The following CTNND2 variants were observed in gnomAD, a reference collection of about 807,000 sequenced individuals.
The protein encoded by CTNND2 is catenin delta 2.
CTNND2 carries 22 observed loss-of-function variants against 144.4 expected under a neutral mutation model. The observed-to-expected ratio is 0.15, with a 90% CI of 0.11 to 0.22. The LOEUF (loss-of-function observed/expected upper bound fraction) is 0.22, where lower values mean the gene tolerates loss of function less well. CTNND2 is among the 10% of genes least tolerant of loss of function. The pLI is 1.00. For synonymous variants in CTNND2, 751 were observed against 695.6 expected, an observed-to-expected ratio of 1.08 and a Z score of -1.25; for missense variants, 1,353 against 1,618.8, an observed-to-expected ratio of 0.84 and a Z score of 2.82.
intron 7 of CTNND2, among the ~76,000 whole-genome samples, chr5:11,382,857 G>A (rs1282128468): frequency 5.3e-5 from 8 of 152,060 alleles, no homozygotes; most frequent in Admixed American, 3.3e-4. Flanking sequence ...TGGAGGTCTT[G>A]GAGTTGCAAT....
intron 16 of CTNND2, among the ~76,000 whole-genome samples, chr5:11,055,102 T>C (rs147006623): frequency 2.8e-4 from 43 of 152,176 alleles, no homozygotes; most frequent in South Asian, 8.3e-4. Flanking sequence ...ACAGGCTTGA[T>C]TGAGGAATGA....
intron 17 of CTNND2, among the ~76,000 whole-genome samples, chr5:11,019,783 A>G (rs1742044619): frequency 6.6e-6 from 1 of 152,246 alleles, no homozygotes; most frequent in Admixed American, 6.5e-5. Flanking sequence ...GTAACAGTTA[A>G]GACTGTTAAT....
intron 1 of CTNND2, among the ~76,000 whole-genome samples, chr5:11,879,097 C>A (rs1735779421): frequency 6.6e-6 from 1 of 151,858 alleles, no homozygotes; most frequent in Non-Finnish European, 1.5e-5. Flanking sequence ...GAGGCAGATG[C>A]CAAGTGGCAC....
chr5:11,187,793 T>C (rs39611), intron 11 of CTNND2, among the ~76,000 whole-genome samples: 5,655 of 152,124 alleles, frequency 0.037, 355 homozygotes, highest in African/African-American at 0.12. Context: ...GTGGGCAAAG[T>C]ACATGAACAG....
At chr5:11,685,714 A>G (rs1342814425) in intron 2 of CTNND2, among the ~76,000 whole-genome samples, 7 of 152,218 alleles carry the variant, frequency 4.6e-5, no homozygotes, top group Admixed American at 3.9e-4. Flanking sequence ...TACGAATTGC[A>G]ATTTAATGAA....
At chr5:11,684,712 G>A (rs1175574622) in intron 2 of CTNND2, among the ~76,000 whole-genome samples, 1 of 152,128 alleles carries the variant, frequency 6.6e-6, no homozygotes, top group Non-Finnish European at 1.5e-5. Context: ...TTTTACTATA[G>A]TACTCTGTTA....
rs370939583 is a variant in CTNND2, at chr5:11,199,531, G to T, written c.1892C>A (p.Ala631Asp). ...YGKANDDNKI[A>D]LKNCGGIPAL... ...TGGGATGCCACCACAGTTTTTCAGGGCAATTTTGTTATCATCGTTGGCCTT... is the reference window on the plus strand; with the variant it reads ...TGGGATGCCACCACAGTTTTTCAGGTCAATTTTGTTATCATCGTTGGCCTT... The change falls in exon 11 of 22, where the codon GCC becomes GAC. Residue 631 changes from alanine (A) to aspartate (D), a missense_variant. Ala to Asp is a moderately radical substitution (Grantham distance 126, BLOSUM62 -2). This residue lies in a region of CTNND2 where 117 missense variants were observed against 117.8 expected (regional missense o/e 0.99). Transcript: ENST00000304623. 3.7e-6 allele frequency: 6 copies of T among 1,614,010 alleles called. No homozygotes were observed. Among genetic ancestry groups the T allele is most frequent in the Admixed American group, 1.7e-5 (1 of 59,998 alleles).
chr5:11,652,833 T>C (rs1220701098), intron 2 of CTNND2, among the ~76,000 whole-genome samples: 1 of 152,168 alleles, frequency 6.6e-6, no homozygotes, highest in Non-Finnish European at 1.5e-5. Flanking sequence ...TTGTTAATCT[T>C]ATAAATGAAA....
chr5:11,605,893 A>G (rs986456036), intron 2 of CTNND2, among the ~76,000 whole-genome samples: 2 of 152,188 alleles, frequency 1.3e-5, no homozygotes, highest in Admixed American at 1.3e-4. Flanking sequence ...CTGAGGTTCT[A>G]CTGTGAAGGA....
At chr5:11,616,378 C>A (rs1245981599) in intron 2 of CTNND2, among the ~76,000 whole-genome samples, 1 of 152,150 alleles carries the variant, frequency 6.6e-6, no homozygotes, top group African/African-American at 2.4e-5. Context: ...TACAGAAATG[C>A]CTTGTCACAC....
In CTNND2 at chr5:11,549,439, C is replaced by T. The variant is rs141322322; in HGVS notation, c.287+15505G>A. On this transcript the variant is annotated intron_variant, in intron 3 of 21. Coordinates refer to ENST00000304623, the MANE Select transcript of CTNND2 (RefSeq NM_001332.4). ...CTCCTATACATTTGTCCTTGATTGG[C>T]TGACCCCAGCATCCACTCACCCCCA... Among the ~76,000 whole-genome samples, 7 of 152,302 alleles carry T rather than the reference C, an allele frequency of 4.6e-5. No individual in the cohort carries two copies. The East Asian group carries it at 1.4e-3, about 29-fold the overall frequency.
chr5:11,350,178 G>C (rs947814043), intron 8 of CTNND2, among the ~76,000 whole-genome samples: 1 of 152,136 alleles, frequency 6.6e-6, no homozygotes, highest in Non-Finnish European at 1.5e-5. Context: ...TAAAGATACA[G>C]AGAAGAGGTG....
chr5:11,234,911 A>C (rs1741457613), intron 10 of CTNND2, among the ~76,000 whole-genome samples: 1 of 152,228 alleles, frequency 6.6e-6, no homozygotes, highest in Non-Finnish European at 1.5e-5. Flanking sequence ...TACAAGGCCC[A>C]GTCTGCATGT....
Position 11,159,774 on chromosome 5 carries a change from C to T in CTNND2, c.1976-15G>A. 2 of 1,544,658 alleles carry T rather than the reference C, an allele frequency of 1.3e-6. No homozygotes were observed. The highest frequency in any genetic ancestry group is 1.4e-5 in the African/African-American group (1 of 72,242). On this transcript the variant is annotated splice_polypyrimidine_tract_variant and intron_variant, in intron 11 of 21. Transcript: ENST00000304623. Reference sequence around the variant, plus strand: ...CCAAAGGACTCCTGCAAGAGACACACAAAAAGAGGTTTTGGGTGGCCACAA... The same window carrying T: ...CCAAAGGACTCCTGCAAGAGACACATAAAAAGAGGTTTTGGGTGGCCACAA...
intron 10 of CTNND2, among the ~76,000 whole-genome samples, chr5:11,220,825 T>G (rs1242921557): frequency 6.6e-6 from 1 of 152,174 alleles, no homozygotes; most frequent in Admixed American, 6.5e-5. Context: ...ATCACACCGT[T>G]TCCAGGGGAC....
chr5:11,103,299 T>C (rs1486040264), intron 14 of CTNND2, among the ~76,000 whole-genome samples: 3 of 152,102 alleles, frequency 2.0e-5, no homozygotes, highest in African/African-American at 7.2e-5. Flanking sequence ...AAGAGTTCTA[T>C]CTCAGTTGGG....
At chr5:11,218,341 G>A (rs1368495831) in intron 10 of CTNND2, among the ~76,000 whole-genome samples, 6 of 152,050 alleles carry the variant, frequency 3.9e-5, no homozygotes, top group African/African-American at 1.4e-4. Flanking sequence ...GAGTCATGCT[G>A]GTGCCAACTC....
chr5:11,798,768 A>G (rs2126882896), intron 1 of CTNND2, among the ~76,000 whole-genome samples: 1 of 152,328 alleles, frequency 6.6e-6, no homozygotes, highest in Admixed American at 6.5e-5. Context: ...TCCGTCTCCA[A>G]ACAAAAAAAG....
chr5:11,265,295 CA>C (rs2149964349), intron 9 of CTNND2, among the ~76,000 whole-genome samples: 1 of 152,216 alleles, frequency 6.6e-6, no homozygotes, highest in East Asian at 1.9e-4. Flanking sequence ...ACAGAGGAAA[CA>C]AAAATCTTAG....
Sources: gnomAD v4.1 joint callset for allele counts (sites outside exome capture counted in the v4.1 genomes callset) on GRCh38, gnomAD v4.1.1 for gene constraint, gnomAD v4.1.1 regional missense constraint, MANE v1.5 for transcripts, NCBI Gene and HGNC (gene_info 2026-07-23, HGNC 2026-07-21) for gene names.